AUTS2: variants seen among roughly 807,000 people sequenced by gnomAD.
AUTS2 encodes activator of transcription and developmental regulator AUTS2, also known as autism susceptibility gene 2 protein.
AUTS2 carries 17 observed loss-of-function variants against 112.4 expected under a neutral mutation model. The observed-to-expected ratio is 0.15, with a 90% CI of 0.10 to 0.23. The LOEUF (loss-of-function observed/expected upper bound fraction) is 0.23, where lower values mean the gene tolerates loss of function less well. Ranked by LOEUF, AUTS2 falls within the 10% of genes least tolerant of loss-of-function variation. The pLI is 1.00. For synonymous variants in AUTS2, 751 were observed against 702.7 expected (o/e 1.07, Z -1.09); for missense variants, 1,510 against 1,701.6 (o/e 0.89, Z 1.98).
At chr7:70,522,522 T>C (rs1382432895) in intron 5 of AUTS2, among the ~76,000 whole-genome samples, 2 of 152,214 alleles carry the variant, frequency 1.3e-5, no homozygotes, top group African/African-American at 2.4e-5. Context: ...ATACCCAATA[T>C]TTAGCTTCCA....
chr7:69,960,853 A>G (rs1279972628), intron 2 of AUTS2, among the ~76,000 whole-genome samples: 2 of 151,792 alleles, frequency 1.3e-5, no homozygotes, highest in Non-Finnish European at 2.9e-5. Context: ...AATCCCTCTT[A>G]CTGCTTTCTA....
chr7:70,536,736 A>G (rs1800337201), intron 5 of AUTS2, among the ~76,000 whole-genome samples: 1 of 151,966 alleles, frequency 6.6e-6, no homozygotes, highest in African/African-American at 2.4e-5. Context: ...CTTCGTCTCT[A>G]CTAAAAATAC....
At chr7:69,970,169 C>G (rs961522342) in intron 2 of AUTS2, among the ~76,000 whole-genome samples, 1 of 152,108 alleles carries the variant, frequency 6.6e-6, no homozygotes. Context: ...AGATTGGTGC[C>G]TAGCTATCTT....
chr7:70,022,578 TC>T (rs1396594400), intron 2 of AUTS2, among the ~76,000 whole-genome samples: 1 of 152,064 alleles, frequency 6.6e-6, no homozygotes, highest in Non-Finnish European at 1.5e-5. Context: ...CCATTGGCCT[TC>T]CAGAGTGCAG....
intron 1 of AUTS2, among the ~76,000 whole-genome samples, chr7:69,617,076 T>C (rs770830942): frequency 3.9e-5 from 6 of 152,110 alleles, no homozygotes; most frequent in Non-Finnish European, 8.8e-5. Flanking sequence ...AAATATATAA[T>C]ATGTTGGGAG....
intron 2 of AUTS2, among the ~76,000 whole-genome samples, chr7:69,950,666 CA>C (rs1278931852): frequency 2.0e-5 from 3 of 152,120 alleles, no homozygotes; most frequent in Non-Finnish European, 2.9e-5. Context: ...AGCACTGCCA[CA>C]TGACTTCTGG....
At chr7:70,380,335 A>G (rs974764894) in intron 4 of AUTS2, among the ~76,000 whole-genome samples, 4 of 152,236 alleles carry the variant, frequency 2.6e-5, no homozygotes, top group African/African-American at 9.6e-5. Context: ...TTGTTTAAGT[A>G]TCAGAAGGGC....
chr7:69,638,944 G>A (rs1162465958), intron 1 of AUTS2, among the ~76,000 whole-genome samples: 1 of 152,190 alleles, frequency 6.6e-6, no homozygotes, highest in Non-Finnish European at 1.5e-5. Flanking sequence ...TGTTTGTTTG[G>A]AACTTTTCAA....
intron 1 of AUTS2, among the ~76,000 whole-genome samples, chr7:69,772,770 G>A (rs210601): frequency 0.39 from 59,759 of 151,976 alleles, 12,147 homozygotes; most frequent in African/African-American, 0.49. Context: ...AACTTTGAAA[G>A]TATAGACTTG....
chr7:69,719,768 G>A (rs559454187), intron 1 of AUTS2, among the ~76,000 whole-genome samples: 1 of 152,256 alleles, frequency 6.6e-6, no homozygotes, highest in African/African-American at 2.4e-5. Flanking sequence ...TTTCCCTCTT[G>A]TGTTGGTTCA....
chr7:70,467,278 A>G, intron 5 of AUTS2, among the ~76,000 whole-genome samples: 1 of 152,262 alleles, frequency 6.6e-6, no homozygotes, highest in East Asian at 1.9e-4. Context: ...CCAAGGCCTC[A>G]TACCTAATTT....
chr7:69,767,503 G>A (rs1788478925), intron 1 of AUTS2, among the ~76,000 whole-genome samples: 1 of 152,194 alleles, frequency 6.6e-6, no homozygotes, highest in African/African-American at 2.4e-5. Context: ...AGAAAGTGTA[G>A]TGTGAACTTT....
At chr7:70,394,720 G>A (rs573140315) in intron 4 of AUTS2, among the ~76,000 whole-genome samples, 13 of 151,994 alleles carry the variant, frequency 8.6e-5, no homozygotes, top group Non-Finnish European at 2.9e-5. Context: ...AGGTGATAAA[G>A]GAGTTGTGAT....
chr7:70,189,126 G>A (rs574567779), intron 4 of AUTS2, among the ~76,000 whole-genome samples: 8 of 152,216 alleles, frequency 5.3e-5, no homozygotes, highest in African/African-American at 9.6e-5. Flanking sequence ...AGCTGACTGC[G>A]TAGGCTCATC....
At chr7:70,617,655 A>T (rs944891949) in intron 5 of AUTS2, among the ~76,000 whole-genome samples, 1 of 129,202 alleles carries the variant, frequency 7.7e-6, no homozygotes, top group East Asian at 2.0e-4. Context: ...AGAGCGAGAC[A>T]CTGTCTCAGA....
At chr7:70,482,396 C>T (rs1169686640) in intron 5 of AUTS2, among the ~76,000 whole-genome samples, 1 of 151,968 alleles carries the variant, frequency 6.6e-6, no homozygotes, top group African/African-American at 2.4e-5. Context: ...TGTAAGAGGT[C>T]AAGGAAGGGA....
intron 1 of AUTS2, among the ~76,000 whole-genome samples, chr7:69,882,049 C>G (rs1794071789): frequency 6.8e-6 from 1 of 147,758 alleles, no homozygotes; most frequent in Non-Finnish European, 1.5e-5. Flanking sequence ...ACTCAGGAGG[C>G]TGAGGCAGGA....
chr7:70,730,243 T>G (rs1787302758), intron 6 of AUTS2, among the ~76,000 whole-genome samples: 1 of 151,876 alleles, frequency 6.6e-6, no homozygotes, highest in Admixed American at 6.6e-5. Context: ...TTTGTTTGTT[T>G]GTTTGTTGGT....
At chr7:69,600,991 A>G (rs1310651671) in intron 1 of AUTS2, among the ~76,000 whole-genome samples, 2 of 148,562 alleles carry the variant, frequency 1.3e-5, no homozygotes, top group Admixed American at 6.7e-5. Flanking sequence ...GTAGGGGGAA[A>G]GGGAAAAGGG....
Sources: allele counts gnomAD v4.1 joint callset (sites outside exome capture counted in the v4.1 genomes callset), GRCh38; gene constraint gnomAD v4.1.1; transcripts MANE v1.5; gene names NCBI Gene and HGNC (gene_info 2026-07-23, HGNC 2026-07-21).